Variants in CMIP observed in about 807,000 individuals in gnomAD.
CMIP encodes the protein C-Maf-inducing protein.
Under a neutral mutation model 97.3 loss-of-function variants are expected in CMIP, and 13 were observed. That is an observed-to-expected ratio of 0.13 (90% CI 0.09 to 0.21). The LOEUF is 0.21. Among genes scored for constraint, CMIP ranks in the 10% least tolerant of loss-of-function variants. The pLI, the probability that CMIP is intolerant of heterozygous loss-of-function variation, is 1.00. For missense variants in CMIP, 847 were observed against 1,024.9 expected (o/e 0.83, Z 2.37); for synonymous variants, 538 against 436.3 (o/e 1.23, Z -2.91).
At chr16:81,576,553 G>C (rs150596336) in intron 1 of CMIP, among the ~76,000 whole-genome samples, 12 of 152,284 alleles carry the variant, frequency 7.9e-5, no homozygotes, top group Non-Finnish European at 1.5e-4. Flanking sequence ...ACAATGAGGA[G>C]ATCAAGGCAC....
chr16:81,654,439 G>A (rs1256501478), intron 4 of CMIP, among the ~76,000 whole-genome samples: 3 of 152,168 alleles, frequency 2.0e-5, no homozygotes, highest in Non-Finnish European at 4.4e-5. Context: ...TGACCCTTAA[G>A]TGCTAGGATG....
At chr16:81,600,988 C>G (rs2091647883) in intron 1 of CMIP, among the ~76,000 whole-genome samples, 1 of 152,134 alleles carries the variant, frequency 6.6e-6, no homozygotes, top group Non-Finnish European at 1.5e-5. Flanking sequence ...TGGGGTGGTG[C>G]CACGTGGAAC....
chr16:81,656,004 T>C (rs2092477167), intron 4 of CMIP, among the ~76,000 whole-genome samples: 1 of 152,164 alleles, frequency 6.6e-6, no homozygotes, highest in African/African-American at 2.4e-5. Flanking sequence ...AAATGACTGA[T>C]AGTTAATAAT....
At chr16:81,533,115 T>C (rs964740943) in intron 1 of CMIP, among the ~76,000 whole-genome samples, 1 of 152,226 alleles carries the variant, frequency 6.6e-6, no homozygotes, top group Non-Finnish European at 1.5e-5. Context: ...ATTTTTTATT[T>C]CTCGTTCCCT....
intron 1 of CMIP, among the ~76,000 whole-genome samples, chr16:81,498,813 C>T (rs1035743369): frequency 1.3e-5 from 2 of 152,216 alleles, no homozygotes; most frequent in Non-Finnish European, 2.9e-5. Flanking sequence ...CAGCCCATAT[C>T]TTCCTGCCCC....
intron 1 of CMIP, among the ~76,000 whole-genome samples, chr16:81,521,896 T>C (rs1304215564): frequency 1.3e-5 from 2 of 152,206 alleles, no homozygotes; most frequent in Non-Finnish European, 2.9e-5. Flanking sequence ...ATCTTACAGA[T>C]AGAATTTCTC....
At chr16:81,551,153 C>T in intron 1 of CMIP, among the ~76,000 whole-genome samples, 1 of 151,334 alleles carries the variant, frequency 6.6e-6, no homozygotes, top group African/African-American at 2.4e-5. Flanking sequence ...TCACACACAC[C>T]CCAGTTCCAT....
At chr16:81,702,072 A>T (rs1907478886) in intron 16 of CMIP, among the ~76,000 whole-genome samples, 1 of 152,086 alleles carries the variant, frequency 6.6e-6, no homozygotes, top group Admixed American at 6.5e-5. Context: ...ATTTCAGTAC[A>T]TGGGGGACCC....
intron 3 of CMIP, among the ~76,000 whole-genome samples, chr16:81,640,575 G>A (rs766129421): frequency 7.9e-5 from 12 of 152,204 alleles, no homozygotes; most frequent in Non-Finnish European, 1.2e-4. Flanking sequence ...CACAATTCTG[G>A]GGCCAGATGT....
At chr16:81,637,986 C>T (rs1203475257) in intron 3 of CMIP, among the ~76,000 whole-genome samples, 1 of 152,204 alleles carries the variant, frequency 6.6e-6, no homozygotes, top group Non-Finnish European at 1.5e-5. Context: ...AGGGCTCCAC[C>T]CTCATGAACT....
At chr16:81,623,826 G>A (rs565226491) in intron 3 of CMIP, among the ~76,000 whole-genome samples, 1 of 152,290 alleles carries the variant, frequency 6.6e-6, no homozygotes, top group Admixed American at 6.5e-5. Context: ...GCCAGGGCTG[G>A]CTAGGTCATT....
intron 1 of CMIP, among the ~76,000 whole-genome samples, chr16:81,485,114 T>G (rs1453695866): frequency 1.3e-5 from 2 of 152,222 alleles, no homozygotes; most frequent in Non-Finnish European, 2.9e-5. Context: ...TCAGACGTCT[T>G]ATTTTTTATT....
At chr16:81,502,807 G>A (rs1329559198) in intron 1 of CMIP, among the ~76,000 whole-genome samples, 2 of 152,180 alleles carry the variant, frequency 1.3e-5, no homozygotes, top group South Asian at 2.1e-4. Context: ...GCAAGAAAAA[G>A]CCTTCTGGCT....
chr16:81,688,978 G>T (rs1321750570), intron 10 of CMIP, among the ~76,000 whole-genome samples: 3 of 152,282 alleles, frequency 2.0e-5, no homozygotes, highest in Non-Finnish European at 2.9e-5. Context: ...CCCTACAGAG[G>T]ACATGAACTC....
intron 19 of CMIP, among the ~76,000 whole-genome samples, chr16:81,705,893 C>G (rs1908083786): frequency 6.6e-6 from 1 of 152,144 alleles, no homozygotes; most frequent in Admixed American, 6.5e-5. Flanking sequence ...ACTGAGGGGT[C>G]GAGTTCAAGG....
chr16:81,706,489 C>T (rs1368897337), intron 19 of CMIP, among the ~76,000 whole-genome samples: 1 of 152,218 alleles, frequency 6.6e-6, no homozygotes, highest in Non-Finnish European at 1.5e-5. Flanking sequence ...ACTGGAGTCC[C>T]CCGGGGGGGC....
chr16:81,551,516 C>T (rs1003210032), intron 1 of CMIP, among the ~76,000 whole-genome samples: 3 of 152,198 alleles, frequency 2.0e-5, no homozygotes, highest in South Asian at 2.1e-4. Context: ...CAGAGGACCA[C>T]GTCGGGCCAG....
At chr16:81,709,640 G>T in intron 20 of CMIP, 106 bp from the exon 21 acceptor site, 1 of 1,265,858 alleles carries the variant, frequency 7.9e-7, no homozygotes, top group Non-Finnish European at 1.1e-6. Flanking sequence ...AAGGTGGGGA[G>T]AGGGTGGCAG....
At chr16:81,708,128 C>G (rs1435717262) in intron 20 of CMIP, among the ~76,000 whole-genome samples, 1 of 152,196 alleles carries the variant, frequency 6.6e-6, no homozygotes, top group Non-Finnish European at 1.5e-5. Flanking sequence ...GCAAGCTCAG[C>G]AAACCAAGGC....
Sources: allele counts gnomAD v4.1 joint callset (sites outside exome capture counted in the v4.1 genomes callset), GRCh38; gene constraint gnomAD v4.1.1; transcripts MANE v1.5; gene names NCBI Gene and HGNC (gene_info 2026-07-23, HGNC 2026-07-21).